The following SLC7A14 variants were observed in gnomAD, a reference collection of about 807,000 sequenced individuals.
SLC7A14 encodes solute carrier family 7 member 14, also known as gamma-aminobutyric acid transporter SLC7A14.
A neutral mutation model predicts 60.2 loss-of-function variants in SLC7A14; 37 were observed. The ratio of observed to expected loss-of-function variants is 0.61; its 90% CI spans 0.47 to 0.81. The LOEUF (loss-of-function observed/expected upper bound fraction) is 0.81. Ranked by LOEUF, SLC7A14 falls within the 30% of genes least tolerant of loss-of-function variation. The probability of loss-of-function intolerance (pLI) is 0.00; values close to 1 mark genes in which losing one functional copy is unlikely to be tolerated. For missense variants in SLC7A14, 886 were observed against 982.7 expected (o/e 0.90, Z 1.32); for synonymous variants, 399 against 395.8 (o/e 1.01, Z -0.10).
chr3:170,572,504 T>C (rs1714985306), intron 1 of SLC7A14, among the ~76,000 whole-genome samples: 1 of 152,214 alleles, frequency 6.6e-6, no homozygotes, highest in South Asian at 2.1e-4. Context: ...ACTCAATAAG[T>C]TGCTATATTG....
chr3:170,549,895 T>C (rs1714293840), intron 1 of SLC7A14, among the ~76,000 whole-genome samples: 1 of 152,228 alleles, frequency 6.6e-6, no homozygotes, highest in South Asian at 2.1e-4. Flanking sequence ...TAAATCTTTA[T>C]AATTCCAGGG....
At chr3:170,544,973 C>T (rs1057294297) in intron 1 of SLC7A14, among the ~76,000 whole-genome samples, 4 of 152,212 alleles carry the variant, frequency 2.6e-5, no homozygotes, top group African/African-American at 9.6e-5. Flanking sequence ...ACAGTGGCCA[C>T]TAGCTACATG....
chr3:170,483,870 C>G (rs1344195804), intron 5 of SLC7A14, among the ~76,000 whole-genome samples: 1 of 152,218 alleles, frequency 6.6e-6, no homozygotes, highest in African/African-American at 2.4e-5. Flanking sequence ...GGAGCTGCAG[C>G]CAATGCCCTG....
chr3:170,480,875 C>G lies in SLC7A14; in HGVS notation c.1407G>C (p.Glu469Asp). The G allele has an allele frequency of 6.2e-7, 1 of 1,614,110 alleles. No individual in the cohort carries two copies. Among genetic ancestry groups the G allele is most frequent in the Non-Finnish European group, 8.5e-7 (1 of 1,180,030 alleles). The change falls in exon 7 of 8, where the codon GAG becomes GAC. Residue 469 changes from glutamate to aspartate, a missense_variant. Glu to Asp is a conservative substitution (Grantham distance 45). Coordinates refer to ENST00000231706, the MANE Select transcript of SLC7A14 (RefSeq NM_020949.3). The stretch of plus-strand genomic sequence containing the variant: ...TGGCTGGGCCAGAAAACTCATCCCC[C>G]TCACTCACAGGAGAACAAGCTTCCT... ...CEKEACSPVSEGDEFSGPATN... is the reference protein window; with the variant it reads ...CEKEACSPVSDGDEFSGPATN...
intron 1 of SLC7A14, among the ~76,000 whole-genome samples, chr3:170,540,806 A>C (rs569146485): frequency 6.6e-6 from 1 of 152,244 alleles, no homozygotes; most frequent in Non-Finnish European, 1.5e-5. Flanking sequence ...AAGCTATTCA[A>C]CTGATTAGTG....
chr3:170,562,504 G>A lies in SLC7A14; in HGVS notation c.-153+23407C>T, dbSNP rs186528540. Among the ~76,000 whole-genome samples, 199 of 152,176 alleles carry A rather than the reference G, an allele frequency of 1.3e-3. 1 individual carries two copies. The highest frequency in any genetic ancestry group is 4.2e-3 in the African/African-American group (176 of 41,530). ...GGGACTCAGTGGGGAGGGTGGGAAG[G>A]GGGTGAGGGATAAAAGACTACAAAT... On this transcript the variant is annotated intron_variant, in intron 1 of 7. Coordinates refer to ENST00000231706, the MANE Select transcript of SLC7A14 (RefSeq NM_020949.3).
chr3:170,527,992 C>T (rs1212630808), intron 1 of SLC7A14, among the ~76,000 whole-genome samples: 2 of 152,100 alleles, frequency 1.3e-5, no homozygotes, highest in Non-Finnish European at 2.9e-5. Flanking sequence ...GTTGTTTGCC[C>T]TTTCAGAAAA....
rs867361668 is a variant in SLC7A14 at position 170,467,333 on chromosome 3, C to T, written c.2038G>A (p.Glu680Lys). 6.2e-7 allele frequency: 1 copy of T among 1,612,650 alleles called. No individual in the cohort carries two copies. Residue 680 changes from glutamate to lysine, a missense_variant, in exon 8 of 8, where the codon GAA (glutamate) becomes AAA (lysine). Coordinates refer to ENST00000231706, the MANE Select transcript of SLC7A14 (RefSeq NM_020949.3). ...AGGGCCTCTTCTCGAGCGCTGATTT[C>T]CAGGGTGCTGTTCCAGATGCCATAT... Reference protein sequence around the residue: ...FGYGIWNSTLEISAREEALHQ... With the variant: ...FGYGIWNSTLKISAREEALHQ...
At chr3:170,546,520 A>G (rs991967412) in intron 1 of SLC7A14, among the ~76,000 whole-genome samples, 2 of 152,168 alleles carry the variant, frequency 1.3e-5, no homozygotes, top group South Asian at 2.1e-4. Flanking sequence ...AAAAGTTTAT[A>G]TGGTGGTATG....
chr3:170,501,030 A>G (rs1258074157), intron 3 of SLC7A14, 79 bp downstream of exon 3: 86 of 1,433,656 alleles, frequency 6.0e-5, no homozygotes, highest in Non-Finnish European at 8.4e-5. Context: ...ATTTTGCCAA[A>G]TTGCTTTCTG....
At chr3:170,534,948 A>G (rs1255328862) in intron 1 of SLC7A14, among the ~76,000 whole-genome samples, 1 of 152,228 alleles carries the variant, frequency 6.6e-6, no homozygotes, top group Non-Finnish European at 1.5e-5. Context: ...TCTCAAGAGC[A>G]TCTACTTGGA....
intron 4 of SLC7A14, among the ~76,000 whole-genome samples, chr3:170,486,743 G>A (rs1039312211): frequency 4.6e-5 from 7 of 151,772 alleles, no homozygotes; most frequent in Admixed American, 6.6e-5. Flanking sequence ...ATGGTGACGC[G>A]CACCTGTAAT....
intron 1 of SLC7A14, among the ~76,000 whole-genome samples, chr3:170,583,566 T>G (rs1442587835): frequency 2.0e-5 from 3 of 152,240 alleles, no homozygotes; most frequent in African/African-American, 7.2e-5. Context: ...TCATGTGACT[T>G]AGACTAATGA....
In SLC7A14 at chr3:170,526,917, G is replaced by A. The variant is rs1471937880; in HGVS notation, c.20C>T (p.Ser7Leu). The change falls in exon 2 of 8, where the codon TCG (serine) becomes TTG (leucine). Residue 7 changes from serine to leucine, a missense_variant. Physicochemically the swap from Ser to Leu is moderately radical, Grantham distance 145. Coordinates refer to ENST00000231706, the MANE Select transcript of SLC7A14 (RefSeq NM_020949.3). MSGFFT[S>L]LDPRRVQWGA... ...CCACTGCACCCGCCGGGGGTCCAGC[G>A]AGGTGAAGAAGCCACTCATCTTGAG... The A allele has an allele frequency of 3.7e-6, 6 of 1,613,082 alleles. No homozygotes were observed. Among genetic ancestry groups the A allele is most frequent in the South Asian group, 2.2e-5 (2 of 90,894 alleles).
intron 7 of SLC7A14, among the ~76,000 whole-genome samples, chr3:170,474,714 G>C (rs1711558152): frequency 6.6e-6 from 1 of 152,066 alleles, no homozygotes; most frequent in Admixed American, 6.6e-5. Context: ...TCAGATAATA[G>C]CTCAGGTATA....
intron 6 of SLC7A14, among the ~76,000 whole-genome samples, chr3:170,482,363 C>A (rs1211637338): frequency 1.3e-5 from 2 of 152,234 alleles, no homozygotes; most frequent in Non-Finnish European, 1.5e-5. Flanking sequence ...GCAACCTAAT[C>A]ACAGCAGCTC....
In SLC7A14 at chr3:170,501,170, T is replaced by G. The variant is rs776696845; in HGVS notation, c.480A>C (p.Ser160=). The G allele has an allele frequency of 3.0e-5, 49 of 1,614,118 alleles. No individual in the cohort carries two copies. The African/African-American group carries it at 5.9e-4, about 19-fold the overall frequency. ...AGCGGCTGATGGTGTGGTTGGCTAGTGAGTCAAACATGCTGCTCAGAGCAC... is the reference window on the plus strand; with the variant it reads ...AGCGGCTGATGGTGTGGTTGGCTAGGGAGTCAAACATGCTGCTCAGAGCAC... ...GASALSSMFD[S]LANHTISRWM... is the part of the protein sequence containing the mutation. The change falls in exon 3 of 8, where the codon TCA becomes TCC. Residue 160 remains serine, a synonymous_variant. Transcript: ENST00000231706.
intron 7 of SLC7A14, chr3:170,476,894 A>G (rs1319489726): frequency 6.6e-6 from 1 of 152,242 alleles, no homozygotes; most frequent in Non-Finnish European, 1.5e-5. Context: ...CTGCCACCTG[A>G]CTGTTTTTGC....
intron 5 of SLC7A14, 79 bp from the exon 6 acceptor site, chr3:170,483,601 G>T: frequency 6.7e-7 from 1 of 1,499,048 alleles, no homozygotes; most frequent in Non-Finnish European, 9.3e-7. Context: ...AGAGGAAAGA[G>T]CCCTGCCCCT....
Sources: allele counts gnomAD v4.1 joint callset (sites outside exome capture counted in the v4.1 genomes callset), GRCh38; gene constraint gnomAD v4.1.1; transcripts MANE v1.5; gene names NCBI Gene and HGNC (gene_info 2026-07-23, HGNC 2026-07-21).